The following BMAL1 variants were observed in gnomAD, a reference collection of about 807,000 sequenced individuals.
BMAL1 encodes basic helix-loop-helix ARNT-like protein 1.
At chr11:13,350,682 G>T in the BMAL1 span, among the ~76,000 whole-genome samples, 2 of 152,016 alleles carry the variant, frequency 1.3e-5, no homozygotes, top group Non-Finnish European at 2.9e-5. Flanking sequence ...ATCCATTAGA[G>T]GGAAATAAGA....
chr11:13,363,604 C>G, the BMAL1 span, among the ~76,000 whole-genome samples: 1 of 152,222 alleles, frequency 6.6e-6, no homozygotes, highest in Non-Finnish European at 1.5e-5. Context: ...GCAAAATGGA[C>G]AAACTGCTTT....
the BMAL1 span, among the ~76,000 whole-genome samples, chr11:13,359,329 G>A: frequency 6.6e-6 from 1 of 152,212 alleles, no homozygotes; most frequent in Non-Finnish European, 1.5e-5. Flanking sequence ...TCTCTGACCT[G>A]CGTGGTAGAA....
chr11:13,379,921 A>G, the BMAL1 span: 1 of 152,226 alleles, frequency 6.6e-6, no homozygotes, highest in South Asian at 2.1e-4. Context: ...GATGCTGAAC[A>G]AGCATCCAAA....
chr11:13,333,763 C>T, the BMAL1 span, among the ~76,000 whole-genome samples: 147 of 152,308 alleles, frequency 9.7e-4, 1 homozygote, highest in African/African-American at 3.5e-3. Context: ...TTATTCTGAC[C>T]GCAGATCTGC....
chr11:13,357,403 C>A, the BMAL1 span, among the ~76,000 whole-genome samples: 1 of 152,250 alleles, frequency 6.6e-6, no homozygotes, highest in African/African-American at 2.4e-5. The surrounding 1 kb of genome is among the most constrained non-coding windows in gnomAD (Gnocchi z 4.8). Flanking sequence ...CTGACTGGAG[C>A]GCCCTCCGCA....
At chr11:13,318,516 T>C in the BMAL1 span, among the ~76,000 whole-genome samples, 1 of 151,542 alleles carries the variant, frequency 6.6e-6, no homozygotes, top group African/African-American at 2.4e-5. Flanking sequence ...TTTATGGTGT[T>C]GTAAATTTGA....
chr11:13,355,114 G>A, the BMAL1 span: 1 of 899,108 alleles, frequency 1.1e-6, no homozygotes, highest in Non-Finnish European at 1.7e-6. Flanking sequence ...TTTTGCCGAA[G>A]CACCTGCGTG....
At chr11:13,372,188 C>T in the BMAL1 span, 1 of 1,614,094 alleles carries the variant, frequency 6.2e-7, no homozygotes, top group South Asian at 1.1e-5. Context: ...TCTGCACAAT[C>T]CACAGCACAG....
chr11:13,329,101 A>C, the BMAL1 span, among the ~76,000 whole-genome samples: 25 of 152,188 alleles, frequency 1.6e-4, no homozygotes, highest in African/African-American at 5.5e-4. Flanking sequence ...CTCCGCTCTC[A>C]TGGTGCTCAC....
At chr11:13,383,011 G>C in the BMAL1 span, among the ~76,000 whole-genome samples, 1 of 152,320 alleles carries the variant, frequency 6.6e-6, no homozygotes, top group South Asian at 2.1e-4. Flanking sequence ...ATTTGGATGT[G>C]TTCTCACGAG....
At chr11:13,278,382 G>A in the BMAL1 span, among the ~76,000 whole-genome samples, 2 of 152,228 alleles carry the variant, frequency 1.3e-5, no homozygotes, top group African/African-American at 2.4e-5. Flanking sequence ...GGAGCTTCGG[G>A]GATCCCCGAG....
chr11:13,379,938 TG>T, the BMAL1 span: 51 of 152,332 alleles, frequency 3.3e-4, no homozygotes, highest in Admixed American at 3.1e-3. Context: ...CAAAGTCTTG[TG>T]TTACGCTTTG....
At chr11:13,333,729 T>C in the BMAL1 span, among the ~76,000 whole-genome samples, 2 of 152,224 alleles carry the variant, frequency 1.3e-5, no homozygotes, top group African/African-American at 4.8e-5. Flanking sequence ...TTTATGGACA[T>C]CTTTGGCTCT....
chr11:13,284,491 G>A, the BMAL1 span, among the ~76,000 whole-genome samples: 2 of 151,372 alleles, frequency 1.3e-5, no homozygotes, highest in African/African-American at 2.4e-5. Flanking sequence ...GGAAGGACGT[G>A]CCCTGCCCTC....
At chr11:13,332,770 G>T in the BMAL1 span, among the ~76,000 whole-genome samples, 49 of 152,184 alleles carry the variant, frequency 3.2e-4, no homozygotes, top group East Asian at 4.4e-3. Context: ...CAGGTCAAGG[G>T]GTTGTGTGGG....
chr11:13,284,212 G>GTGTATATA, the BMAL1 span, among the ~76,000 whole-genome samples: 1 of 13,256 alleles, frequency 7.5e-5, no homozygotes, highest in African/African-American at 1.7e-4. Flanking sequence ...ATATATATGT[G>GTGTATATA]TATATATATA....
At chr11:13,298,271 C>T in the BMAL1 span, among the ~76,000 whole-genome samples, 1 of 152,206 alleles carries the variant, frequency 6.6e-6, no homozygotes, top group Non-Finnish European at 1.5e-5. Context: ...TTCAAACACA[C>T]CAGGCATGCT....
At chr11:13,286,221 C>T in the BMAL1 span, among the ~76,000 whole-genome samples, 43 of 152,352 alleles carry the variant, frequency 2.8e-4, no homozygotes, top group Admixed American at 9.1e-4. Flanking sequence ...CATTGTACCT[C>T]ATTTGCTGTT....
the BMAL1 span, among the ~76,000 whole-genome samples, chr11:13,339,760 C>CTTGTGGT: frequency 6.6e-6 from 1 of 152,280 alleles, no homozygotes; most frequent in South Asian, 2.1e-4. Context: ...CTGCCTCCCT[C>CTTGTGGT]CTGTGGTCTG....
Sources: gnomAD v4.1 joint callset for allele counts (sites outside exome capture counted in the v4.1 genomes callset) on GRCh38, gnomAD v4.1.1 for gene constraint, Gnocchi (gnomAD v3.1) non-coding constraint, MANE v1.5 for transcripts, NCBI Gene and HGNC (gene_info 2026-07-23, HGNC 2026-07-21) for gene names.